Variants in RBFOX1 observed in about 807,000 individuals in gnomAD.
RBFOX1 encodes the protein RNA binding protein fox-1 homolog 1.
In RBFOX1, 8 loss-of-function variants were observed where a neutral mutation model predicts 57.7. That is an observed-to-expected ratio of 0.14 (90% CI 0.08 to 0.25). RBFOX1 has a LOEUF of 0.25. Ranked by LOEUF, RBFOX1 falls within the 10% of genes least tolerant of loss-of-function variation. RBFOX1 has a pLI of 1.00. For synonymous variants in RBFOX1, 326 were observed against 222.4 expected, an observed-to-expected ratio of 1.47 and a Z score of -4.15; for missense variants, 611 against 548.5, an observed-to-expected ratio of 1.11 and a Z score of -1.14.
At chr16:6,391,865 C>A (rs1043964137) in intron 2 of RBFOX1, among the ~76,000 whole-genome samples, 2 of 152,184 alleles carry the variant, frequency 1.3e-5, no homozygotes, top group African/African-American at 4.8e-5. Flanking sequence ...ATATATTGCA[C>A]TCATTACAGT....
intron 3 of RBFOX1, among the ~76,000 whole-genome samples, chr16:6,783,564 TCTGA>T (rs1467894931): frequency 1.3e-5 from 2 of 152,106 alleles, no homozygotes; most frequent in African/African-American, 4.8e-5. Flanking sequence ...TCTCCTGCAG[TCTGA>T]CTTTTTGCTA....
intron 2 of RBFOX1, among the ~76,000 whole-genome samples, chr16:6,560,821 T>A (rs1184979029): frequency 6.6e-6 from 1 of 152,202 alleles, no homozygotes; most frequent in Non-Finnish European, 1.5e-5. Flanking sequence ...TCTGACTTGC[T>A]CTTCATGGAA....
At chr16:6,297,778 G>A (rs1420552647) in intron 1 of RBFOX1, among the ~76,000 whole-genome samples, 1 of 152,162 alleles carries the variant, frequency 6.6e-6, no homozygotes, top group Admixed American at 6.5e-5. Flanking sequence ...AGAAAGAAGA[G>A]AGGGAGCATC....
At chr16:7,532,610 C>T (rs931808123) in intron 5 of RBFOX1, among the ~76,000 whole-genome samples, 1 of 152,200 alleles carries the variant, frequency 6.6e-6, no homozygotes, top group African/African-American at 2.4e-5. Flanking sequence ...CCTTTTCTCT[C>T]TTCTCTCCAG....
At chr16:5,815,586 A>T (rs926489536) in intron 3 of RBFOX1, among the ~76,000 whole-genome samples, 3 of 152,186 alleles carry the variant, frequency 2.0e-5, no homozygotes, top group African/African-American at 7.2e-5. Flanking sequence ...AAGAGAACAA[A>T]GTGGACCCTG....
intron 4 of RBFOX1, among the ~76,000 whole-genome samples, chr16:7,460,033 C>G (rs955405991): frequency 6.6e-6 from 1 of 151,986 alleles, no homozygotes; most frequent in African/African-American, 2.4e-5. Context: ...AGAATGTTAG[C>G]AAGAATTCAA....
intron 1 of RBFOX1, among the ~76,000 whole-genome samples, chr16:6,278,462 C>T (rs1178377534): frequency 1.5e-5 from 2 of 135,326 alleles, no homozygotes; most frequent in African/African-American, 5.5e-5. Context: ...AAGCATAAAT[C>T]TGTGCGTCAC....
At chr16:5,695,473 C>T (rs2050818563) in intron 3 of RBFOX1, among the ~76,000 whole-genome samples, 1 of 152,132 alleles carries the variant, frequency 6.6e-6, no homozygotes, top group South Asian at 2.1e-4. Context: ...CAATCAGGAT[C>T]CATAGCTATG....
At chr16:6,553,680 T>C (rs1420278931) in intron 2 of RBFOX1, among the ~76,000 whole-genome samples, 1 of 152,126 alleles carries the variant, frequency 6.6e-6, no homozygotes, top group Non-Finnish European at 1.5e-5. Context: ...AAAGAAGATT[T>C]GTTTTAAGGA....
intron 3 of RBFOX1, among the ~76,000 whole-genome samples, chr16:6,670,861 A>C (rs1310118214): frequency 6.6e-6 from 1 of 151,246 alleles, no homozygotes; most frequent in Non-Finnish European, 1.5e-5. Context: ...TTAGCCGGGC[A>C]TGGTGGCGGG....
chr16:7,034,827 CT>C (rs113413414), intron 3 of RBFOX1, among the ~76,000 whole-genome samples: 54 of 54,108 alleles, frequency 1.0e-3, no homozygotes, highest in East Asian at 3.0e-3. Flanking sequence ...TATTGCATTA[CT>C]TTTTTTTTTT....
intron 3 of RBFOX1, among the ~76,000 whole-genome samples, chr16:6,973,094 G>A (rs1208696021): frequency 1.3e-5 from 2 of 151,814 alleles, no homozygotes; most frequent in Non-Finnish European, 2.9e-5. Context: ...TTGCACTACT[G>A]CACTCCAGCC....
intron 3 of RBFOX1, among the ~76,000 whole-genome samples, chr16:7,018,455 C>G (rs985310563): frequency 6.6e-6 from 1 of 152,158 alleles, no homozygotes; most frequent in East Asian, 1.9e-4. Flanking sequence ...TTTTGAAATA[C>G]AACGTCTAAT....
chr16:6,698,928 T>C (rs1603441615), intron 3 of RBFOX1, among the ~76,000 whole-genome samples: 1 of 152,312 alleles, frequency 6.6e-6, no homozygotes, highest in East Asian at 1.9e-4. Flanking sequence ...ATATTGAATG[T>C]GTCCATAGCG....
intron 2 of RBFOX1, among the ~76,000 whole-genome samples, chr16:6,421,718 A>C (rs2093776695): frequency 6.6e-6 from 1 of 152,134 alleles, no homozygotes; most frequent in African/African-American, 2.4e-5. Context: ...TAACACACTA[A>C]TCATCGTGAA....
At chr16:7,466,811 C>G (rs193241973) in intron 4 of RBFOX1, among the ~76,000 whole-genome samples, 13 of 152,236 alleles carry the variant, frequency 8.5e-5, no homozygotes, top group Admixed American at 2.6e-4. Context: ...ATACACAATG[C>G]TAGGTTGGGG....
At chr16:7,030,539 A>G (rs1342650717) in intron 3 of RBFOX1, among the ~76,000 whole-genome samples, 1 of 151,878 alleles carries the variant, frequency 6.6e-6, no homozygotes. Context: ...ACATCACTCT[A>G]GTCTCTGCCT....
At chr16:6,059,256 G>A (rs2095654339) in intron 1 of RBFOX1, 2 of 152,094 alleles carry the variant, frequency 1.3e-5, no homozygotes, top group Admixed American at 1.3e-4. Flanking sequence ...AACAAAAGGT[G>A]AGCAATTCTG....
chr16:5,482,937 G>C lies in RBFOX1; in HGVS notation c.258+15683G>C, dbSNP rs376763986. Among the ~76,000 whole-genome samples, 19 of 152,328 alleles carry C rather than the reference G, an allele frequency of 1.2e-4. No homozygotes were observed. The East Asian group carries it at 1.4e-3, about 11-fold the overall frequency. On this transcript the variant is annotated intron_variant, in intron 2 of 2. Coordinates refer to the RBFOX1 transcript ENST00000585867. Reference sequence around the variant, plus strand: ...CCTTATTCTTTAGAGACTCTAAGCAGCTTATGGGTTAGAAGTCCCTCTTTC... The same window carrying C: ...CCTTATTCTTTAGAGACTCTAAGCACCTTATGGGTTAGAAGTCCCTCTTTC...
Sources: gnomAD v4.1 joint callset for allele counts (sites outside exome capture counted in the v4.1 genomes callset) on GRCh38, gnomAD v4.1.1 for gene constraint, MANE v1.5 for transcripts, NCBI Gene and HGNC (gene_info 2026-07-23, HGNC 2026-07-21) for gene names.